The following SORBS2 variants were observed in gnomAD, a reference collection of about 807,000 sequenced individuals.
SORBS2 encodes the protein sorbin and SH3 domain-containing protein 2.
SORBS2 carries 46 observed loss-of-function variants against 97.7 expected under a neutral mutation model. That is an observed-to-expected ratio of 0.47 (90% CI 0.37 to 0.60). The LOEUF (loss-of-function observed/expected upper bound fraction) is 0.60. SORBS2 is among the 20% of genes least tolerant of loss of function. SORBS2 has a pLI of 0.00. For synonymous variants in SORBS2, 476 were observed against 473.4 expected (o/e 1.01, Z -0.07); for missense variants, 1,316 against 1,282.3 (o/e 1.03, Z -0.40).
chr4:185,655,364 A>G (rs2097381231), intron 1 of SORBS2, among the ~76,000 whole-genome samples: 1 of 152,204 alleles, frequency 6.6e-6, no homozygotes, highest in Non-Finnish European at 1.5e-5. Flanking sequence ...CTTTCTACAC[A>G]TGAGAAAGAA....
At chr4:185,769,191 T>A (rs1446957792) in intron 2 of SORBS2, among the ~76,000 whole-genome samples, 1 of 152,210 alleles carries the variant, frequency 6.6e-6, no homozygotes, top group Non-Finnish European at 1.5e-5. Flanking sequence ...TATTTGCATA[T>A]CCATCCTGCG....
At chr4:185,649,690 C>A (rs775197056) in intron 2 of SORBS2, 34 bp from the exon 12 acceptor site, 6 of 1,305,366 alleles carry the variant, frequency 4.6e-6, no homozygotes, top group Non-Finnish European at 3.0e-6. Context: ...AGACAAAAAA[C>A]AGAAGCAAAT....
intron 4 of SORBS2, among the ~76,000 whole-genome samples, chr4:185,674,421 A>G (rs1211483906): frequency 6.6e-6 from 1 of 152,086 alleles, no homozygotes; most frequent in African/African-American, 2.4e-5. Context: ...CCCTGCTTTG[A>G]GCCCCATCAT....
rs536936365 is a variant in SORBS2, at chr4:185,625,118, A to G, written c.635-624T>C. On this transcript the variant is annotated intron_variant, in intron 6 of 14. Transcript: ENST00000418609. ...TGCTGCTAACATTTTTCTAGAAAAAAATAGCTAAAGCTCTTTAAACAAACG... is the reference window on the plus strand; with the variant it reads ...TGCTGCTAACATTTTTCTAGAAAAAGATAGCTAAAGCTCTTTAAACAAACG... Among the ~76,000 whole-genome samples, 786 of 152,336 alleles carry G rather than the reference A, an allele frequency of 5.2e-3. 5 individuals carry two copies. The highest frequency in any genetic ancestry group is 9.1e-3 in the Non-Finnish European group (618 of 68,028).
At chr4:185,895,389 T>C (rs536147530) in intron 1 of SORBS2, among the ~76,000 whole-genome samples, 1 of 152,246 alleles carries the variant, frequency 6.6e-6, no homozygotes, top group African/African-American at 2.4e-5. Context: ...TCCCTTGTCC[T>C]CATAACCGAA....
intron 2 of SORBS2, among the ~76,000 whole-genome samples, chr4:185,705,215 A>T (rs1254693866): frequency 6.6e-6 from 1 of 152,240 alleles, no homozygotes; most frequent in Admixed American, 6.5e-5. Context: ...AGGAATCATA[A>T]TATCACTTTT....
At chr4:185,614,159 G>GTTTTTTTTTTTTTTTTT (rs34929054) in intron 11 of SORBS2, among the ~76,000 whole-genome samples, 5 of 91,624 alleles carry the variant, frequency 5.5e-5, no homozygotes, top group African/African-American at 1.3e-4. Flanking sequence ...GTTTTTTTGT[G>GTTTTTTTTTTTTTTTTT]TTTTTTTTTT....
At chr4:185,880,669 C>T (rs745365066) in intron 1 of SORBS2, among the ~76,000 whole-genome samples, 2 of 152,208 alleles carry the variant, frequency 1.3e-5, no homozygotes, top group East Asian at 1.9e-4. Context: ...TTGATATTTT[C>T]TCACCCCTTT....
chr4:185,780,273 C>A (rs1289788406), intron 1 of SORBS2, among the ~76,000 whole-genome samples: 1 of 152,102 alleles, frequency 6.6e-6, no homozygotes, highest in Non-Finnish European at 1.5e-5. Flanking sequence ...CCTCAGCCTC[C>A]CAAAGTGCTG....
At chr4:185,731,373 C>T (rs2098623214) in intron 2 of SORBS2, among the ~76,000 whole-genome samples, 1 of 152,162 alleles carries the variant, frequency 6.6e-6, no homozygotes, top group African/African-American at 2.4e-5. Flanking sequence ...CTAACTAAGC[C>T]TCTTGGAATT....
intron 1 of SORBS2, among the ~76,000 whole-genome samples, chr4:185,888,008 T>C (rs2099240567): frequency 6.6e-6 from 1 of 151,594 alleles, no homozygotes; most frequent in Non-Finnish European, 1.5e-5. Context: ...TGAACTCATA[T>C]CTTTTCATTA....
intron 1 of SORBS2, among the ~76,000 whole-genome samples, chr4:185,856,705 A>T (rs1015582966): frequency 6.6e-6 from 1 of 152,174 alleles, no homozygotes; most frequent in Non-Finnish European, 1.5e-5. Flanking sequence ...GAAGTATATT[A>T]GTTCATTCTC....
intron 2 of SORBS2, among the ~76,000 whole-genome samples, chr4:185,698,883 T>G (rs1393245154): frequency 6.6e-6 from 1 of 151,988 alleles, no homozygotes; most frequent in Non-Finnish European, 1.5e-5. Flanking sequence ...TTTTCTGAAA[T>G]CCTTAGAATT....
intron 2 of SORBS2, among the ~76,000 whole-genome samples, chr4:185,759,291 AC>A (rs1273457725): frequency 1.3e-5 from 2 of 152,312 alleles, no homozygotes; most frequent in East Asian, 3.9e-4. Flanking sequence ...TTTTCCAATT[AC>A]CAACCAGAAG....
chr4:185,650,520 A>G (rs184518088), intron 2 of SORBS2, among the ~76,000 whole-genome samples: 1 of 152,348 alleles, frequency 6.6e-6, no homozygotes, highest in Admixed American at 6.5e-5. Flanking sequence ...GTACAAAGTA[A>G]TATATCACTG....
At chr4:185,908,265 C>T (rs1579428042) in intron 1 of SORBS2, among the ~76,000 whole-genome samples, 1 of 108,392 alleles carries the variant, frequency 9.2e-6, no homozygotes, top group African/African-American at 4.3e-5. Flanking sequence ...TACTAGTGAA[C>T]CCATGCAAAG....
At chr4:185,778,938 C>T (rs1268166429) in intron 1 of SORBS2, among the ~76,000 whole-genome samples, 1 of 152,188 alleles carries the variant, frequency 6.6e-6, no homozygotes, top group African/African-American at 2.4e-5. Context: ...TAAACGAGCA[C>T]GCCAACTTTA....
At chr4:185,745,383 T>C (rs1050601389) in intron 2 of SORBS2, among the ~76,000 whole-genome samples, 2 of 152,188 alleles carry the variant, frequency 1.3e-5, no homozygotes, top group South Asian at 2.1e-4. Flanking sequence ...GTTCATATTT[T>C]TTAGACAGTT....
chr4:185,634,200 T>A (rs1197641231), intron 4 of SORBS2, among the ~76,000 whole-genome samples: 1 of 152,190 alleles, frequency 6.6e-6, no homozygotes, highest in Non-Finnish European at 1.5e-5. Flanking sequence ...GTAAATAATT[T>A]GAAATTGCAA....
Sources: gnomAD v4.1 joint callset for allele counts (sites outside exome capture counted in the v4.1 genomes callset) on GRCh38, gnomAD v4.1.1 for gene constraint, MANE v1.5 for transcripts, NCBI Gene and HGNC (gene_info 2026-07-23, HGNC 2026-07-21) for gene names.